The following TRPM1 variants were observed in gnomAD, a reference collection of about 807,000 sequenced individuals.
The protein encoded by TRPM1 is transient receptor potential cation channel subfamily M member 1, also known as TRPM1-203 APA Isoform, Intron 10.
Under a neutral mutation model 149.4 loss-of-function variants are expected in TRPM1, and 113 were observed. That is an observed-to-expected ratio of 0.76 (90% CI 0.65 to 0.88). TRPM1 has a LOEUF of 0.88. Among genes scored for constraint, TRPM1 ranks in the 40% least tolerant of loss-of-function variants. The pLI is 0.00. For synonymous variants in TRPM1, 741 were observed against 759.5 expected, an observed-to-expected ratio of 0.98 and a Z score of 0.40; for missense variants, 1,976 against 2,038.7, an observed-to-expected ratio of 0.97 and a Z score of 0.59.
At chr15:31,097,160 T>C (rs1231859300) in intron 1 of TRPM1, among the ~76,000 whole-genome samples, 1 of 152,142 alleles carries the variant, frequency 6.6e-6, no homozygotes, top group Non-Finnish European at 1.5e-5. Flanking sequence ...CTAGACAAGG[T>C]GTGTGTGGTT....
chr15:31,049,677 C>G (rs2033891306), intron 12 of TRPM1, among the ~76,000 whole-genome samples, 168 bp from the exon 13 acceptor site: 1 of 152,214 alleles, frequency 6.6e-6, no homozygotes, highest in Non-Finnish European at 1.5e-5. Flanking sequence ...TCTCCCCTCT[C>G]CTTTCTTCTC....
intron 1 of TRPM1, among the ~76,000 whole-genome samples, chr15:31,100,443 AC>A (rs757187549): frequency 6.6e-5 from 10 of 152,264 alleles, no homozygotes; most frequent in Non-Finnish European, 1.3e-4. Flanking sequence ...GTTTAAAAAA[AC>A]ATACACATTG....
intron 1 of TRPM1, 26 bp downstream of exon 1, chr15:31,101,631 C>T: frequency 1.0e-6 from 1 of 985,660 alleles, no homozygotes; most frequent in Non-Finnish European, 1.2e-6. Context: ...CTCCCTTCAC[C>T]TGTGCTTACC....
At chr15:31,138,776 C>T (rs1487040272) in intron 1 of TRPM1, among the ~76,000 whole-genome samples, 2 of 152,086 alleles carry the variant, frequency 1.3e-5, no homozygotes, top group Non-Finnish European at 2.9e-5. Context: ...AACACAACTT[C>T]TTGGCACTTA....
intron 1 of TRPM1, among the ~76,000 whole-genome samples, chr15:31,135,918 C>T (rs147473268): frequency 1.6e-4 from 24 of 152,218 alleles, no homozygotes; most frequent in African/African-American, 5.8e-4. Flanking sequence ...ATAAATTACC[C>T]AGCCTCAGGT....
intron 16 of TRPM1, among the ~76,000 whole-genome samples, chr15:31,045,680 A>G (rs1218561556): frequency 6.6e-6 from 1 of 152,232 alleles, no homozygotes; most frequent in African/African-American, 2.4e-5. Flanking sequence ...GTGTATTTTA[A>G]TCATTCCAAG....
At chr15:31,148,607 G>A (rs1020399752) in intron 1 of TRPM1, among the ~76,000 whole-genome samples, 3 of 152,184 alleles carry the variant, frequency 2.0e-5, no homozygotes, top group African/African-American at 7.2e-5. Context: ...GCCTCACCAC[G>A]AAGAATGAAG....
rs184774626 is a variant in TRPM1, at chr15:31,040,113, C to T, written c.2316+5G>A. ...CTGGCCCGCCTCGCAGCACGTTGCA[C>T]GCACCTTCAGGCCGGGGTTCTTCCG... On this transcript the variant is annotated splice_donor_5th_base_variant and intron_variant, in intron 18 of 27. Transcript: ENST00000256552. The surrounding 1 kb of genome is among the most constrained non-coding windows in gnomAD (Gnocchi z 4.2). 1.6e-4 allele frequency: 264 copies of T among 1,614,062 alleles called. No homozygotes were observed. The African/African-American group carries it at 2.2e-3, about 14-fold the overall frequency.
At chr15:31,141,918 C>T (rs901806855) in intron 1 of TRPM1, among the ~76,000 whole-genome samples, 1 of 152,104 alleles carries the variant, frequency 6.6e-6, no homozygotes, top group African/African-American at 2.4e-5. Context: ...AATTAAGAAA[C>T]AGGTTAAGTT....
At chr15:31,050,686 C>T in intron 11 of TRPM1, 104 bp from the exon 12 acceptor site, 2 of 1,192,206 alleles carry the variant, frequency 1.7e-6, no homozygotes, top group Non-Finnish European at 2.5e-6. Context: ...CACATGCACA[C>T]CACACATGCA....
chr15:31,032,823 G>A lies in TRPM1; in HGVS notation c.2818C>T (p.Leu940=). 1 of 1,614,192 alleles carries A rather than the reference G, an allele frequency of 6.2e-7. No homozygotes were observed. The highest frequency in any genetic ancestry group is 8.5e-7 in the Non-Finnish European group (1 of 1,180,042). The part of the protein sequence containing the change: ...STFMIGAILR[L]QNQPYMGYGR... Reference sequence around the variant, plus strand: ...TAGCCCATGTAGGGCTGGTTCTGTAGGCGAAGAATTGCTCCAATCATGAAT... The same window carrying A: ...TAGCCCATGTAGGGCTGGTTCTGTAAGCGAAGAATTGCTCCAATCATGAAT... The change falls in exon 22 of 28, where the codon CTA becomes TTA. Residue 940 remains leucine, a synonymous_variant. Coordinates refer to ENST00000256552, the MANE Select transcript of TRPM1 (RefSeq NM_001252024.2).
At chr15:31,041,008 G>A (rs926956225) in intron 17 of TRPM1, among the ~76,000 whole-genome samples, 2 of 152,178 alleles carry the variant, frequency 1.3e-5, no homozygotes, top group African/African-American at 4.8e-5. Flanking sequence ...AGGCCAGAGG[G>A]CGTCTAATGA....
intron 1 of TRPM1, among the ~76,000 whole-genome samples, chr15:31,113,164 A>G (rs1242201999): frequency 3.9e-5 from 6 of 152,074 alleles, no homozygotes; most frequent in East Asian, 1.9e-4. Context: ...CACCCCCTTC[A>G]AAACTCACCA....
chr15:31,010,858 T>G (rs2140876868), intron 27 of TRPM1, among the ~76,000 whole-genome samples: 1 of 152,334 alleles, frequency 6.6e-6, no homozygotes, highest in South Asian at 2.1e-4. Context: ...TTAGTGAAAG[T>G]TGAATATTAG....
rs577672274 is a variant in TRPM1, at chr15:31,026,205, T to A, written c.3563A>T (p.His1188Leu). 938 of 1,612,662 alleles carry A rather than the reference T, an allele frequency of 5.8e-4. 13 individuals are homozygous for A. The South Asian group carries it at 9.8e-3, about 17-fold the overall frequency. ...CTGCTCATCCTCCTTCTCCCGGAAGTGCTCCTGCACGCACTGCTCCTCGAA... is the reference window on the plus strand; with the variant it reads ...CTGCTCATCCTCCTTCTCCCGGAAGAGCTCCTGCACGCACTGCTCCTCGAA... ...HEFEEQCVQE[H>L]FREKEDEQQS... The change falls in exon 27 of 28, where the codon CAC becomes CTC. Residue 1188 changes from histidine to leucine, a missense_variant. By Grantham distance (99) the His-to-Leu change is moderately conservative. Around this residue, in one of 3 missense-constraint regions of TRPM1, gnomAD observed 572 missense variants for 578.9 expected, o/e 0.99. Coordinates refer to ENST00000256552, the MANE Select transcript of TRPM1 (RefSeq NM_001252024.2).
At chr15:31,018,657 C>A (rs970091042) in intron 27 of TRPM1, among the ~76,000 whole-genome samples, 4 of 151,094 alleles carry the variant, frequency 2.6e-5, no homozygotes, top group South Asian at 4.2e-4. Context: ...AGGGATGAAC[C>A]ACCACACCTG....
chr15:31,037,894 A>G (rs777889068), intron 19 of TRPM1, 52 bp from the exon 20 acceptor site: 3 of 1,613,782 alleles, frequency 1.9e-6, no homozygotes, highest in Admixed American at 1.7e-5. Context: ...TGGGAAATGC[A>G]AGGCACTCCG....
chr15:31,042,367 T>G, intron 16 of TRPM1, 124 bp from the exon 17 acceptor site: 5 of 975,268 alleles, frequency 5.1e-6, no homozygotes, highest in African/African-American at 1.6e-5. Flanking sequence ...AAGTACATCT[T>G]ACATTTCCAC....
At chr15:31,078,378 C>T (rs780751010) in intron 2 of TRPM1, among the ~76,000 whole-genome samples, 2 of 152,142 alleles carry the variant, frequency 1.3e-5, no homozygotes, top group Non-Finnish European at 1.5e-5. Flanking sequence ...CCCAGCTGTG[C>T]GGACTAGGGC....
Sources: gnomAD v4.1 joint callset for allele counts (sites outside exome capture counted in the v4.1 genomes callset) on GRCh38, gnomAD v4.1.1 for gene constraint, gnomAD v4.1.1 regional missense constraint, Gnocchi (gnomAD v3.1) non-coding constraint, MANE v1.5 for transcripts, NCBI Gene and HGNC (gene_info 2026-07-23, HGNC 2026-07-21) for gene names.